Variants in RYR2 observed in about 807,000 individuals in gnomAD.
RYR2 encodes cardiac muscle ryanodine receptor-calcium release channel.
A neutral mutation model predicts 601.1 loss-of-function variants in RYR2; 227 were observed. The observed-to-expected ratio is 0.38, with a 90% CI of 0.34 to 0.42. The LOEUF (loss-of-function observed/expected upper bound fraction) is 0.42, where lower values mean the gene tolerates loss of function less well. Ranked by LOEUF, RYR2 falls within the 10% of genes least tolerant of loss-of-function variation. The pLI, the probability that RYR2 is intolerant of heterozygous loss-of-function variation, is 1.00. For synonymous variants in RYR2, 2,223 were observed against 2,175.1 expected, an observed-to-expected ratio of 1.02 and a Z score of -0.61; for missense variants, 4,646 against 6,156.5, an observed-to-expected ratio of 0.75 and a Z score of 8.21.
chr1:237,252,615 A>C (rs994701207), intron 1 of RYR2, among the ~76,000 whole-genome samples: 7 of 152,240 alleles, frequency 4.6e-5, no homozygotes, highest in Admixed American at 2.6e-4. Flanking sequence ...AATTTTTACA[A>C]AAATAGAAAT....
intron 2 of RYR2, among the ~76,000 whole-genome samples, chr1:237,287,937 A>G (rs572799994): frequency 1.1e-3 from 175 of 152,228 alleles, no homozygotes; most frequent in African/African-American, 3.5e-3. Flanking sequence ...TCATTTGGGT[A>G]GGCTCTGTCA....
At chr1:237,618,065 G>A (rs908146314) in intron 38 of RYR2, among the ~76,000 whole-genome samples, 2 of 152,102 alleles carry the variant, frequency 1.3e-5, no homozygotes, top group African/African-American at 4.8e-5. Context: ...GAAGTTACTG[G>A]CGTAGGGATG....
chr1:237,301,577 T>C (rs1693356592), intron 2 of RYR2, among the ~76,000 whole-genome samples: 2 of 152,210 alleles, frequency 1.3e-5, no homozygotes, highest in African/African-American at 2.4e-5. Context: ...TTCTTTAAGA[T>C]ATTTCTCCTA....
intron 1 of RYR2, among the ~76,000 whole-genome samples, chr1:237,107,377 T>C (rs12751111): frequency 0.44 from 65,739 of 150,326 alleles, 14,985 homozygotes; most frequent in Non-Finnish European, 0.5. Context: ...AAAAATTAGC[T>C]GGACGTGGTG....
At chr1:237,725,370 CAT>C (rs537164285) in intron 74 of RYR2, among the ~76,000 whole-genome samples, 46 of 152,152 alleles carry the variant, frequency 3.0e-4, no homozygotes, top group Non-Finnish European at 1.8e-4. Flanking sequence ...CTAATGATAA[CAT>C]GTGACTGAGT....
intron 36 of RYR2, among the ~76,000 whole-genome samples, chr1:237,613,107 A>T (rs1414887694): frequency 6.6e-6 from 1 of 152,222 alleles, no homozygotes; most frequent in Non-Finnish European, 1.5e-5. Context: ...TCCAAATTCC[A>T]AAAAAGGAAG....
chr1:237,094,089 C>T (rs78206748), intron 1 of RYR2, among the ~76,000 whole-genome samples: 1,612 of 152,298 alleles, frequency 0.011, 28 homozygotes, highest in African/African-American at 0.038. Flanking sequence ...CTCCCTTCTT[C>T]GAGTCCTCCA....
intron 67 of RYR2, among the ~76,000 whole-genome samples, chr1:237,705,897 A>C (rs1198466682): frequency 6.6e-6 from 1 of 152,224 alleles, no homozygotes; most frequent in Non-Finnish European, 1.5e-5. Context: ...CTAGATGAAC[A>C]TGCAAACCAA....
At chr1:237,155,329 C>T (rs1675204599) in intron 1 of RYR2, among the ~76,000 whole-genome samples, 1 of 151,768 alleles carries the variant, frequency 6.6e-6, no homozygotes. Flanking sequence ...GCGCCCACCA[C>T]CACGCTCGGC....
chr1:237,482,656 A>G (rs939578635), intron 17 of RYR2, among the ~76,000 whole-genome samples: 3 of 152,170 alleles, frequency 2.0e-5, no homozygotes, highest in African/African-American at 4.8e-5. Context: ...CAGTACTGCA[A>G]CCACCATGGA....
intron 1 of RYR2, among the ~76,000 whole-genome samples, chr1:237,183,698 T>C (rs1679033195): frequency 6.6e-6 from 1 of 152,162 alleles, no homozygotes; most frequent in Non-Finnish European, 1.5e-5. Flanking sequence ...GTTAGCCTAA[T>C]CAAGAAACAC....
chr1:237,638,320 C>T (rs2148723272), intron 44 of RYR2, 37 bp from the exon 45 acceptor site: 2 of 1,612,656 alleles, frequency 1.2e-6, no homozygotes, highest in Middle Eastern at 1.7e-4. Flanking sequence ...GAGTTTTCAG[C>T]CAAGGGATAA....
chr1:237,441,210 A>T, intron 12 of RYR2, 109 bp from the exon 13 acceptor site: 1 of 1,149,222 alleles, frequency 8.7e-7, no homozygotes, highest in Non-Finnish European at 1.3e-6. Flanking sequence ...AGGGGACTTC[A>T]GAGGGCTGAA....
intron 24 of RYR2, among the ~76,000 whole-genome samples, chr1:237,521,162 C>CA (rs34443452): frequency 0.49 from 74,431 of 151,646 alleles, 18,531 homozygotes; most frequent in East Asian, 0.58. Flanking sequence ...GAAACTGTTT[C>CA]AAAAAGTCAA....
chr1:237,554,482 A>G (rs2618652), intron 27 of RYR2, among the ~76,000 whole-genome samples: 51,025 of 151,636 alleles, frequency 0.34, 9,468 homozygotes, highest in East Asian at 0.49. Flanking sequence ...TTAGATTTTG[A>G]TATCAATGTA....
chr1:237,424,535 T>C (rs994855947), intron 12 of RYR2, among the ~76,000 whole-genome samples: 1 of 152,218 alleles, frequency 6.6e-6, no homozygotes, highest in African/African-American at 2.4e-5. Flanking sequence ...GTACCATGTA[T>C]AATATATTCA....
Position 237,042,200 on chromosome 1 carries a change from C to G in RYR2, c.-322C>G, listed in dbSNP as rs1262999968. On this transcript the variant is annotated 5_prime_UTR_variant, in exon 1 of 105. Coordinates refer to ENST00000366574, the MANE Select transcript of RYR2 (RefSeq NM_001035.3). ...GCTCCGCGCACTTGCTCGGAGGAGC[C>G]GGGGCCGAGCGGACCGCCGGCTGCA... 6.3e-6 allele frequency: 1 copy of G among 159,188 alleles called. No individual in the cohort carries two copies. The highest frequency in any genetic ancestry group is 1.4e-5 in the Non-Finnish European group (1 of 72,818). The allele number at this position is 159,188 out of a possible 1,614,324, so 9.9% of individuals were successfully genotyped here.
intron 44 of RYR2, among the ~76,000 whole-genome samples, chr1:237,635,833 C>T (rs1274692529): frequency 6.6e-6 from 1 of 152,232 alleles, no homozygotes; most frequent in East Asian, 1.9e-4. Context: ...CCACCCTTGT[C>T]CCCTTGCTGT....
At chr1:237,492,834 A>C in intron 18 of RYR2, 120 bp from the exon 19 acceptor site, 1 of 802,598 alleles carries the variant, frequency 1.2e-6, no homozygotes, top group Non-Finnish European at 1.8e-6. Flanking sequence ...AAAGGAAGGA[A>C]GGAAGGAAGG....
Sources: allele counts gnomAD v4.1 joint callset (sites outside exome capture counted in the v4.1 genomes callset), GRCh38; gene constraint gnomAD v4.1.1; transcripts MANE v1.5; gene names NCBI Gene and HGNC (gene_info 2026-07-23, HGNC 2026-07-21).